The following RFC3 variants were observed in gnomAD, a reference collection of about 807,000 sequenced individuals.
RFC3 encodes the protein replication factor C subunit 3, also known as A1 38 kDa subunit.
RFC3 carries 41 observed loss-of-function variants against 45.1 expected under a neutral mutation model. The ratio of observed to expected loss-of-function variants is 0.91; its 90% confidence interval spans 0.71 to 1.18. The LOEUF (loss-of-function observed/expected upper bound fraction) is 1.18. RFC3 is among the 50% of genes most tolerant of loss of function. The pLI is 0.00. For synonymous variants in RFC3, 149 were observed against 144.0 expected (o/e 1.03, Z -0.25); for missense variants, 423 against 428.1 (o/e 0.99, Z 0.10).
chr13:33,853,891 G>T (rs2082292838), intron 8 of RFC3, among the ~76,000 whole-genome samples: 1 of 152,136 alleles, frequency 6.6e-6, no homozygotes, highest in Non-Finnish European at 1.5e-5. Context: ...CCAAGGAGTT[G>T]TAGAAATCTG....
chr13:33,837,856 A>G (rs1203042593), downstream of RFC3, among the ~76,000 whole-genome samples: 4 of 152,042 alleles, frequency 2.6e-5, no homozygotes, highest in Non-Finnish European at 5.9e-5. Flanking sequence ...AGTACTGATT[A>G]AGCTTTTTAA....
intron 8 of RFC3, among the ~76,000 whole-genome samples, chr13:33,873,832 G>A (rs1426445639): frequency 6.6e-6 from 1 of 152,108 alleles, no homozygotes; most frequent in Non-Finnish European, 1.5e-5. Context: ...TTACTTTGAG[G>A]CGGTCAAAGT....
intron 8 of RFC3, among the ~76,000 whole-genome samples, chr13:33,855,533 G>A (rs2082303565): frequency 6.6e-6 from 1 of 152,090 alleles, no homozygotes; most frequent in Admixed American, 6.6e-5. Flanking sequence ...CTATTTTTAG[G>A]TCTTTGAGGA....
intron 8 of RFC3, among the ~76,000 whole-genome samples, chr13:33,886,932 AT>A (rs1176629093): frequency 6.7e-6 from 1 of 148,564 alleles, no homozygotes; most frequent in South Asian, 2.1e-4. Flanking sequence ...ATGATTTCCA[AT>A]TTCATCCATG....
intron 8 of RFC3, among the ~76,000 whole-genome samples, chr13:33,870,718 A>G (rs1237084616): frequency 1.3e-5 from 2 of 152,172 alleles, no homozygotes; most frequent in African/African-American, 4.8e-5. Context: ...AAACCTACCT[A>G]AGGTAGGACC....
At chr13:33,905,646 A>T (rs1180732647) in intron 8 of RFC3, among the ~76,000 whole-genome samples, 1 of 152,060 alleles carries the variant, frequency 6.6e-6, no homozygotes, top group East Asian at 1.9e-4. Context: ...CATGGTACAG[A>T]TGATTGCTAC....
At chr13:33,833,683 A>G (rs1006989896) in intron 7 of RFC3, among the ~76,000 whole-genome samples, 2 of 152,182 alleles carry the variant, frequency 1.3e-5, no homozygotes, top group Non-Finnish European at 2.9e-5. Context: ...GAAGTAAGCT[A>G]TATACATATA....
At chr13:33,924,147 A>G (rs2082786908) in intron 8 of RFC3, among the ~76,000 whole-genome samples, 1 of 152,154 alleles carries the variant, frequency 6.6e-6, no homozygotes, top group Non-Finnish European at 1.5e-5. Flanking sequence ...AAAAGATGCA[A>G]TCAAGTCCTC....
intron 8 of RFC3, among the ~76,000 whole-genome samples, chr13:33,964,525 G>A: frequency 6.6e-6 from 1 of 152,108 alleles, no homozygotes; most frequent in East Asian, 1.9e-4. Flanking sequence ...AATCACAGTG[G>A]GAAATAAACG....
At chr13:33,904,683 C>G (rs1385679524) in intron 8 of RFC3, among the ~76,000 whole-genome samples, 3 of 152,038 alleles carry the variant, frequency 2.0e-5, no homozygotes, top group Non-Finnish European at 2.9e-5. Flanking sequence ...CATTCAGGCC[C>G]TTCCACAATC....
chr13:33,838,484 G>A (rs889402611), downstream of RFC3, among the ~76,000 whole-genome samples: 2 of 152,046 alleles, frequency 1.3e-5, no homozygotes, highest in East Asian at 1.9e-4. Context: ...CTGCCTTCAC[G>A]TTTCTGTTGT....
exon 9 of RFC3, chr13:33,966,399 C>G (rs892182009): frequency 2.1e-6 from 1 of 466,372 alleles, no homozygotes; most frequent in African/African-American, 1.9e-5. Context: ...ATGTCTTTCT[C>G]AGAGGACAAT....
chr13:33,836,018 C>T, intron 8 of RFC3, 86 bp from the exon 9 acceptor site: 3 of 1,323,692 alleles, frequency 2.3e-6, no homozygotes, highest in South Asian at 1.4e-5. Context: ...GTATGTTTAA[C>T]TTTAGTCTTT....
intron 7 of RFC3, among the ~76,000 whole-genome samples, chr13:33,834,925 G>GTTAGGAGAAGCCTCCATATGT (rs2082139360): frequency 6.6e-6 from 1 of 152,096 alleles, no homozygotes; most frequent in Admixed American, 6.6e-5. Flanking sequence ...ATGAACTGAA[G>GTTAGGAGAAGCCTCCATATGT]TTAGGAGAAG....
chr13:33,944,131 A>G (rs2082940916), intron 8 of RFC3, among the ~76,000 whole-genome samples: 1 of 152,176 alleles, frequency 6.6e-6, no homozygotes, highest in East Asian at 1.9e-4. Context: ...TTGTTTGCAG[A>G]CATTCAAGAT....
At chr13:33,865,312 C>T (rs1354882504) in intron 8 of RFC3, among the ~76,000 whole-genome samples, 1 of 152,124 alleles carries the variant, frequency 6.6e-6, no homozygotes, top group Admixed American at 6.5e-5. Flanking sequence ...GTGCCTTTGC[C>T]TGAGGGAGTT....
At chr13:33,935,370 A>G (rs1239356726) in intron 8 of RFC3, among the ~76,000 whole-genome samples, 1 of 152,196 alleles carries the variant, frequency 6.6e-6, no homozygotes, top group Non-Finnish European at 1.5e-5. Context: ...ATAATGCAAA[A>G]AAGTTGTACT....
intron 8 of RFC3, among the ~76,000 whole-genome samples, chr13:33,904,909 A>G (rs1057106378): frequency 1.3e-5 from 2 of 152,154 alleles, no homozygotes; most frequent in East Asian, 3.9e-4. Context: ...GAAAAATAAG[A>G]CCGAACAATA....
intron 8 of RFC3, among the ~76,000 whole-genome samples, chr13:33,932,130 C>T (rs1409711350): frequency 6.6e-6 from 1 of 152,036 alleles, no homozygotes; most frequent in Non-Finnish European, 1.5e-5. Flanking sequence ...GTGGACTCTG[C>T]CAGCATGAAA....
Sources: gnomAD v4.1 joint callset for allele counts (sites outside exome capture counted in the v4.1 genomes callset) on GRCh38, gnomAD v4.1.1 for gene constraint, MANE v1.5 for transcripts, NCBI Gene and HGNC (gene_info 2026-07-23, HGNC 2026-07-21) for gene names.